The following NFIX variants were observed in gnomAD, a reference collection of about 807,000 sequenced individuals.
The protein encoded by NFIX is nuclear factor 1 X-type.
A neutral mutation model predicts 53.3 loss-of-function variants in NFIX; 2 were observed. That is an observed-to-expected ratio of 0.04 (90% confidence interval 0.02 to 0.12). The LOEUF (loss-of-function observed/expected upper bound fraction) is 0.12. NFIX is among the 10% of genes least tolerant of loss of function. The pLI is 1.00. For missense variants in NFIX, 310 were observed against 674.5 expected (o/e 0.46, Z 5.99); for synonymous variants, 244 against 289.0 (o/e 0.84, Z 1.58).
rs368530794 is a variant in NFIX, at chr19:13,064,464, C to T, written c.560-8583C>T. On this transcript the variant is annotated intron_variant, in intron 2 of 10. Coordinates refer to ENST00000592199, the MANE Select transcript of NFIX (RefSeq NM_001365902.3). ...TTTTCCCTGTTGGCCCTCTCTCCCC[C>T]ACCCCTGTTTCTAGTATGGTGACTG... is the stretch of plus-strand genomic sequence containing the variant. Among the ~76,000 whole-genome samples the T allele has an allele frequency of 2.4e-4, 36 of 152,360 alleles. No homozygotes were observed. In the South Asian group the frequency reaches 6.4e-3, roughly 27 times the overall value.
chr19:13,094,969 C>G lies in NFIX; in HGVS notation c.*320C>G, dbSNP rs1385898271. On this transcript the variant is annotated 3_prime_UTR_variant, in exon 11 of 11. Transcript: ENST00000592199. The surrounding 1 kb of genome is among the most constrained non-coding windows in gnomAD (Gnocchi z 4.3). ...GAAAGGATGCAGAACTGCCTTCCTC[C>G]CCCTGACCCCGCCCCGGCCTTCTGG... 2.4e-5 allele frequency: 8 copies of G among 330,062 alleles called. No individual in the cohort carries two copies. Among genetic ancestry groups the G allele is most frequent in the Middle Eastern group, 8.9e-4 (1 of 1,126 alleles). 20.4% of individuals were successfully genotyped at this position (330,062 alleles called of 1,614,324 possible).
At chr19:13,074,704 C>CTTT (rs1262168364) in intron 5 of NFIX, among the ~76,000 whole-genome samples, 1 of 136,092 alleles carries the variant, frequency 7.3e-6, no homozygotes. Context: ...GTCCACTCCA[C>CTTT]TTTTTTTTTT....
At chr19:13,039,245 C>CGTGT (rs1555698318) in intron 2 of NFIX, among the ~76,000 whole-genome samples, 100 of 148,584 alleles carry the variant, frequency 6.7e-4, no homozygotes, top group African/African-American at 1.5e-3. Context: ...CACACATACA[C>CGTGT]GTGTGTGTGT....
chr19:13,020,003 C>T (rs2012884549), intron 1 of NFIX, among the ~76,000 whole-genome samples: 1 of 151,206 alleles, frequency 6.6e-6, no homozygotes, highest in Admixed American at 6.6e-5. Context: ...CCATGTCCTT[C>T]TACTCTGTGG....
Position 13,060,306 on chromosome 19 carries a change from G to C in NFIX, c.560-12741G>C, listed in dbSNP as rs1208171503. ...CCCACTCTGAGGAAGCCTTGGATGG[G>C]CCATTCCTGGCCCAGAGCCTGAGGC... On this transcript the variant is annotated intron_variant, in intron 2 of 10. Coordinates refer to ENST00000592199, the MANE Select transcript of NFIX (RefSeq NM_001365902.3). This position sits in a 1 kb window ranked among gnomAD's most constrained non-coding sequence, Gnocchi z 4.3. 6.6e-6 allele frequency among the ~76,000 whole-genome samples: 1 copy of C among 152,240 alleles called. No individual in the cohort carries two copies. Among genetic ancestry groups the C allele is most frequent in the Non-Finnish European group, 1.5e-5 (1 of 68,044 alleles).
chr19:13,025,012 C>T lies in NFIX; in HGVS notation c.28-9C>T. The T allele has an allele frequency of 6.3e-7, 1 of 1,583,616 alleles. No individual in the cohort carries two copies. The highest frequency in any genetic ancestry group is 8.6e-7 in the Non-Finnish European group (1 of 1,166,000). ...CTCGCCCCGCATGCTCCCGGCTTGC[C>T]GCCTGCAGGATGAGTTCCACCCGTT... On this transcript the variant is annotated splice_polypyrimidine_tract_variant and intron_variant, in intron 1 of 10. Coordinates refer to ENST00000592199, the MANE Select transcript of NFIX (RefSeq NM_001365902.3). This position sits in a 1 kb window ranked among gnomAD's most constrained non-coding sequence, Gnocchi z 7.5.
intron 8 of NFIX, among the ~76,000 whole-genome samples, chr19:13,083,519 C>A (rs574244909): frequency 3.9e-5 from 6 of 152,214 alleles, no homozygotes; most frequent in Admixed American, 1.3e-4. Flanking sequence ...CTTGACTGTT[C>A]AAGATTGAGG....
chr19:13,030,617 C>T (rs769081179), intron 2 of NFIX, among the ~76,000 whole-genome samples: 1 of 151,772 alleles, frequency 6.6e-6, no homozygotes, highest in African/African-American at 2.4e-5. Context: ...TAATGCCTCC[C>T]ACATTTCACA....
rs2016419441 is a variant in NFIX at position 13,066,617 on chromosome 19, C to G, written c.560-6430C>G. Among the ~76,000 whole-genome samples, 3 of 152,178 alleles carry G rather than the reference C, an allele frequency of 2.0e-5. No homozygotes were observed. In the South Asian group the frequency reaches 6.2e-4, roughly 32 times the overall value. ...CCCTGTCCTTATCCCTGCCCCCACC[C>G]ACAGCTTGCGGGCTCTGCTTCTTGT... is the stretch of plus-strand genomic sequence containing the variant. On this transcript the variant is annotated intron_variant, in intron 2 of 10. Coordinates refer to ENST00000592199, the MANE Select transcript of NFIX (RefSeq NM_001365902.3). The surrounding 1 kb of genome is among the most constrained non-coding windows in gnomAD (Gnocchi z 4.2).
Position 13,052,750 on chromosome 19 carries a change from G to A in NFIX, c.560-20297G>A, listed in dbSNP as rs1323923315. On this transcript the variant is annotated intron_variant, in intron 2 of 10. Transcript: ENST00000592199. The surrounding 1 kb of genome is among the most constrained non-coding windows in gnomAD (Gnocchi z 5.2). ...GCTTCTGTGCTTCTTGGAACGGCTC[G>A]GCTCCAGGGCCGTGAGGTTGGCACC... Among the ~76,000 whole-genome samples, 2 of 147,120 alleles carry A rather than the reference G, an allele frequency of 1.4e-5. No individual in the cohort carries two copies. Among genetic ancestry groups the A allele is most frequent in the Admixed American group, 6.7e-5 (1 of 14,964 alleles).
intron 1 of NFIX, among the ~76,000 whole-genome samples, chr19:12,999,501 C>A (rs957783107): frequency 3.4e-5 from 5 of 148,676 alleles, no homozygotes; most frequent in Non-Finnish European, 5.9e-5. Context: ...CACACACACA[C>A]ACACACACAC....
intron 2 of NFIX, among the ~76,000 whole-genome samples, chr19:13,029,303 C>G (rs2013614477): frequency 6.6e-6 from 1 of 152,158 alleles, no homozygotes; most frequent in Non-Finnish European, 1.5e-5. Context: ...CACAATACCA[C>G]TATTATACCC....
In NFIX at chr19:13,081,980, C is replaced by A; in HGVS notation, c.1254+125C>A. The A allele has an allele frequency of 1.8e-6, 2 of 1,123,942 alleles. No individual in the cohort carries two copies. The highest frequency in any genetic ancestry group is 2.5e-6 in the Non-Finnish European group (2 of 790,332). The allele number at this position is 1,123,942 out of a possible 1,614,324, so 69.6% of individuals were successfully genotyped here. On this transcript the variant is annotated intron_variant, in intron 8 of 10. Coordinates refer to ENST00000592199, the MANE Select transcript of NFIX (RefSeq NM_001365902.3). This position sits in a 1 kb window ranked among gnomAD's most constrained non-coding sequence, Gnocchi z 4.7. ...CACCTGGGGCTGGAGCAGCAGGGAG[C>A]TGGTAGTACCAAACGCCTCGATTTT...
chr19:13,085,105 C>T (rs539625327), intron 8 of NFIX, among the ~76,000 whole-genome samples: 10 of 151,592 alleles, frequency 6.6e-5, no homozygotes, highest in African/African-American at 2.4e-4. Flanking sequence ...AGGAGCTATA[C>T]CACCTTCCAG....
chr19:13,051,493 C>A lies in NFIX; in HGVS notation c.560-21554C>A, dbSNP rs2015324745. Among the ~76,000 whole-genome samples the A allele has an allele frequency of 6.6e-6, 1 of 152,198 alleles. No individual in the cohort carries two copies. Among genetic ancestry groups the A allele is most frequent in the South Asian group, 2.1e-4 (1 of 4,836 alleles). On this transcript the variant is annotated intron_variant, in intron 2 of 10. Coordinates refer to ENST00000592199, the MANE Select transcript of NFIX (RefSeq NM_001365902.3). This position sits in a 1 kb window ranked among gnomAD's most constrained non-coding sequence, Gnocchi z 5.1. ...TTCTTCTCGCTGGTTCTCCCCTGTCCTTCTCTAGCTGGGATTCCAGCTCTA... is the reference window on the plus strand; with the variant it reads ...TTCTTCTCGCTGGTTCTCCCCTGTCATTCTCTAGCTGGGATTCCAGCTCTA...
At chr19:13,087,248 T>C (rs919791215) in intron 8 of NFIX, among the ~76,000 whole-genome samples, 1 of 152,002 alleles carries the variant, frequency 6.6e-6, no homozygotes, top group African/African-American at 2.4e-5. Flanking sequence ...TAGAAGCAAA[T>C]GAGGGCATAA....
Position 13,011,675 on chromosome 19 carries a change from C to T in NFIX, c.28-13346C>T, listed in dbSNP as rs1482572592. Among the ~76,000 whole-genome samples, 1 of 152,170 alleles carries T rather than the reference C, an allele frequency of 6.6e-6. No homozygotes were observed. Among genetic ancestry groups the T allele is most frequent in the Non-Finnish European group, 1.5e-5 (1 of 68,018 alleles). On this transcript the variant is annotated intron_variant, in intron 1 of 10. Transcript: ENST00000592199. The surrounding 1 kb of genome is among the most constrained non-coding windows in gnomAD (Gnocchi z 6.5). ...CCCGGAAGAGAGAAGCTGGGCTGCA[C>T]CCCATGTTGGCACGAACACTCCCTC...
chr19:13,059,421 C>G (rs2015917906), intron 2 of NFIX, among the ~76,000 whole-genome samples: 1 of 152,226 alleles, frequency 6.6e-6, no homozygotes, highest in Admixed American at 6.5e-5. Flanking sequence ...CACTTGCATT[C>G]TGGGAGCTAG....
intron 1 of NFIX, among the ~76,000 whole-genome samples, chr19:13,018,016 G>A (rs2012758788): frequency 6.6e-6 from 1 of 152,232 alleles, no homozygotes; most frequent in Non-Finnish European, 1.5e-5. Flanking sequence ...GGCTGGAGAA[G>A]AGAGCTTTGG....
Sources: allele counts gnomAD v4.1 joint callset (sites outside exome capture counted in the v4.1 genomes callset), GRCh38; gene constraint gnomAD v4.1.1; non-coding constraint Gnocchi (gnomAD v3.1); transcripts MANE v1.5; gene names NCBI Gene and HGNC (gene_info 2026-07-23, HGNC 2026-07-21).